The following OCA2 variants were observed in gnomAD, a reference collection of about 807,000 sequenced individuals.
OCA2 encodes the protein P protein.
OCA2 carries 77 observed loss-of-function variants against 100.2 expected under a neutral mutation model. The ratio of observed to expected loss-of-function variants is 0.77; its 90% CI spans 0.64 to 0.93. The LOEUF is 0.93. Ranked by LOEUF, OCA2 falls within the 40% of genes least tolerant of loss-of-function variation. OCA2 has a pLI of 0.00. For synonymous variants in OCA2, 432 were observed against 439.2 expected, an observed-to-expected ratio of 0.98 and a Z score of 0.21; for missense variants, 1,062 against 1,089.1, an observed-to-expected ratio of 0.98 and a Z score of 0.35.
At chr15:27,964,246 A>C (rs1431642165) in intron 15 of OCA2, among the ~76,000 whole-genome samples, 1 of 152,246 alleles carries the variant, frequency 6.6e-6, no homozygotes, top group East Asian at 1.9e-4. Flanking sequence ...TCCTATGAGG[A>C]CAACAAAAAA....
At chr15:27,724,978 G>A in the OCA2 span, among the ~76,000 whole-genome samples, 1 of 152,098 alleles carries the variant, frequency 6.6e-6, no homozygotes, top group Non-Finnish European at 1.5e-5. Flanking sequence ...TCTTGGTTGA[G>A]GTAAGTAGCA....
chr15:27,824,134 G>A (rs1347600460), intron 23 of OCA2, among the ~76,000 whole-genome samples: 1 of 152,216 alleles, frequency 6.6e-6, no homozygotes, highest in Non-Finnish European at 1.5e-5. Flanking sequence ...TTGGGAGGCT[G>A]AGGCCAGTGG....
intron 23 of OCA2, among the ~76,000 whole-genome samples, chr15:27,756,070 A>G (rs1372859627): frequency 6.6e-6 from 1 of 152,252 alleles, no homozygotes; most frequent in Non-Finnish European, 1.5e-5. Flanking sequence ...AGCATCCCTC[A>G]TTGTGTGCCT....
intron 9 of OCA2, among the ~76,000 whole-genome samples, chr15:28,004,605 C>G (rs1429987599): frequency 2.0e-5 from 3 of 152,038 alleles, no homozygotes; most frequent in Non-Finnish European, 4.4e-5. Flanking sequence ...TACACAGACA[C>G]AACCATGCAG....
intron 2 of OCA2, among the ~76,000 whole-genome samples, chr15:28,059,681 G>A (rs1253516940): frequency 3.3e-5 from 5 of 152,076 alleles, no homozygotes; most frequent in African/African-American, 1.2e-4. Flanking sequence ...TAGTAGTAAA[G>A]TCTTCTGCAG....
intron 19 of OCA2, among the ~76,000 whole-genome samples, chr15:27,912,662 G>T (rs1189298852): frequency 6.6e-6 from 1 of 152,122 alleles, no homozygotes; most frequent in East Asian, 1.9e-4. Context: ...AAGCAATAAG[G>T]ATAATACAAA....
chr15:28,056,363 T>C (rs989015729), intron 2 of OCA2, among the ~76,000 whole-genome samples: 1 of 152,182 alleles, frequency 6.6e-6, no homozygotes, highest in Non-Finnish European at 1.5e-5. Context: ...ATGGGAGACG[T>C]TCCTATTGCT....
chr15:28,018,865 C>T (rs1450462600), intron 6 of OCA2, among the ~76,000 whole-genome samples: 1 of 152,162 alleles, frequency 6.6e-6, no homozygotes, highest in Non-Finnish European at 1.5e-5. Context: ...AATGGACAGG[C>T]CTCGCCAGGG....
At chr15:27,985,581 A>C (rs2041326480) in intron 12 of OCA2, among the ~76,000 whole-genome samples, 2 of 152,232 alleles carry the variant, frequency 1.3e-5, no homozygotes, top group Non-Finnish European at 2.9e-5. Flanking sequence ...TACTTTTAAT[A>C]GTAAGGAGTA....
chr15:27,939,216 AAC>A (rs2039562424), intron 18 of OCA2, among the ~76,000 whole-genome samples: 1 of 152,236 alleles, frequency 6.6e-6, no homozygotes, highest in African/African-American at 2.4e-5. Flanking sequence ...CTGTTTTCTT[AAC>A]TTACTTTTAT....
Position 27,847,977 on chromosome 15 carries a change from C to T in OCA2, c.2339-2925G>A, listed in dbSNP as rs1007642506. ...GCCACCTGCCAGCAACACACAGAGCCGGCCCACACTCAAGCTGCAGATGCC... is the reference window on the plus strand; with the variant it reads ...GCCACCTGCCAGCAACACACAGAGCTGGCCCACACTCAAGCTGCAGATGCC... On this transcript the variant is annotated intron_variant, in intron 22 of 23. Transcript: ENST00000354638. Among the ~76,000 whole-genome samples the T allele has an allele frequency of 5.3e-5, 8 of 152,194 alleles. No individual in the cohort carries two copies. The East Asian group carries it at 1.4e-3, about 26-fold the overall frequency.
At chr15:27,768,695 GTT>G (rs2031476559) in intron 23 of OCA2, among the ~76,000 whole-genome samples, 1 of 152,186 alleles carries the variant, frequency 6.6e-6, no homozygotes, top group Admixed American at 6.5e-5. Context: ...TATGAATCTT[GTT>G]TTTTAGGGTT....
At chr15:28,035,411 A>C (rs2043019382) in intron 2 of OCA2, among the ~76,000 whole-genome samples, 1 of 152,216 alleles carries the variant, frequency 6.6e-6, no homozygotes, top group South Asian at 2.1e-4. Context: ...AAATAGGGGA[A>C]GCACCAAGGA....
At chr15:27,936,562 C>A (rs1336815915) in intron 18 of OCA2, among the ~76,000 whole-genome samples, 2 of 152,166 alleles carry the variant, frequency 1.3e-5, no homozygotes, top group Non-Finnish European at 2.9e-5. Flanking sequence ...ATATCTCATG[C>A]AATCGTGCAC....
At chr15:27,724,960 A>G in the OCA2 span, among the ~76,000 whole-genome samples, 1 of 152,104 alleles carries the variant, frequency 6.6e-6, no homozygotes, top group African/African-American at 2.4e-5. Context: ...TGAAAAAGTC[A>G]TATGTTCTCT....
At chr15:28,016,894 A>G (rs751721301) in intron 7 of OCA2, among the ~76,000 whole-genome samples, 39 of 152,166 alleles carry the variant, frequency 2.6e-4, no homozygotes, top group Non-Finnish European at 4.7e-4. Context: ...TGCTTCTGCA[A>G]CTGCTTGCAA....
chr15:27,724,813 G>C, the OCA2 span, among the ~76,000 whole-genome samples: 3 of 109,758 alleles, frequency 2.7e-5, no homozygotes, highest in Middle Eastern at 4.2e-3. Context: ...TGTGAGAGAC[G>C]CTTTTTTTTT....
chr15:27,779,503 A>G (rs1036167211), intron 23 of OCA2, among the ~76,000 whole-genome samples: 1 of 152,136 alleles, frequency 6.6e-6, no homozygotes, highest in Non-Finnish European at 1.5e-5. Flanking sequence ...CCCTTTCATC[A>G]TTATATGGCA....
the OCA2 span, among the ~76,000 whole-genome samples, chr15:27,743,629 A>G: frequency 6.6e-6 from 1 of 152,176 alleles, no homozygotes; most frequent in Non-Finnish European, 1.5e-5. Context: ...CAGGGAGGCC[A>G]TGAATTAGTG....
Sources: gnomAD v4.1 joint callset for allele counts (sites outside exome capture counted in the v4.1 genomes callset) on GRCh38, gnomAD v4.1.1 for gene constraint, MANE v1.5 for transcripts, NCBI Gene and HGNC (gene_info 2026-07-23, HGNC 2026-07-21) for gene names.